The following RAB11FIP3 variants were observed in gnomAD, a reference collection of about 807,000 sequenced individuals.
RAB11FIP3 encodes rab11 family-interacting protein 3.
A neutral mutation model predicts 77.8 loss-of-function variants in RAB11FIP3; 17 were observed. The observed-to-expected ratio is 0.22, with a 90% CI of 0.15 to 0.33. RAB11FIP3 has a LOEUF of 0.33. Among genes scored for constraint, RAB11FIP3 ranks in the 10% least tolerant of loss-of-function variants. RAB11FIP3 has a pLI of 1.00. For synonymous variants in RAB11FIP3, 437 were observed against 448.2 expected, an observed-to-expected ratio of 0.98 and a Z score of 0.31; for missense variants, 1,005 against 1,011.2, an observed-to-expected ratio of 0.99 and a Z score of 0.08.
intron 1 of RAB11FIP3, among the ~76,000 whole-genome samples, chr16:457,465 G>A (rs2055522212): frequency 1.3e-5 from 2 of 151,318 alleles, no homozygotes. Flanking sequence ...TGCCACTACT[G>A]GATTTTGCAG....
intron 1 of RAB11FIP3, among the ~76,000 whole-genome samples, chr16:448,448 A>T (rs1024148008): frequency 7.9e-5 from 12 of 151,986 alleles, no homozygotes; most frequent in South Asian, 2.1e-4. Flanking sequence ...CTAAAAATAC[A>T]AAATTAGGCC....
intron 6 of RAB11FIP3, among the ~76,000 whole-genome samples, chr16:499,789 CTG>C (rs1452155633): frequency 8.1e-6 from 1 of 122,832 alleles, no homozygotes; most frequent in Non-Finnish European, 1.6e-5. Context: ...CAGAGCAAGA[CTG>C]TCTCAAAAAA....
At chr16:492,942 C>T (rs1387415487) in intron 5 of RAB11FIP3, among the ~76,000 whole-genome samples, 2 of 152,122 alleles carry the variant, frequency 1.3e-5, no homozygotes, top group Non-Finnish European at 2.9e-5. Context: ...TCTGCTACCC[C>T]TTTTCCTAAG....
rs1432143772 is a variant in RAB11FIP3 at position 482,626 on chromosome 16, G to A, written c.1005G>A (p.Glu335=). ...DEDTSTLVHP[E]LQPEGDADSA... ...ACACCAGCACCCTGGTGCACCCTGAGCTGCAACCTGAAGGGGACGCAGACA... is the reference window on the plus strand; with the variant it reads ...ACACCAGCACCCTGGTGCACCCTGAACTGCAACCTGAAGGGGACGCAGACA... The change falls in exon 4 of 14, where the codon GAG becomes GAA. Residue 335 remains glutamate, a synonymous_variant. Coordinates refer to ENST00000262305, the MANE Select transcript of RAB11FIP3 (RefSeq NM_014700.4). 1 of 1,613,428 alleles carries A rather than the reference G, an allele frequency of 6.2e-7. No homozygotes were observed. The highest frequency in any genetic ancestry group is 8.5e-7 in the Non-Finnish European group (1 of 1,180,058).
intron 4 of RAB11FIP3, among the ~76,000 whole-genome samples, chr16:488,194 C>A (rs924238302): frequency 1.3e-5 from 2 of 152,256 alleles, no homozygotes; most frequent in Admixed American, 1.3e-4. Context: ...TCCTGGCTAA[C>A]ACGGTGAAAC....
rs1596291957 is a variant in RAB11FIP3, at chr16:505,510, G to C, written c.1396-14G>C. 6.2e-7 allele frequency: 1 copy of C among 1,602,604 alleles called. No individual in the cohort carries two copies. The highest frequency in any genetic ancestry group is 1.3e-5 in the African/African-American group (1 of 74,838). On this transcript the variant is annotated splice_polypyrimidine_tract_variant and intron_variant, in intron 7 of 13. Transcript: ENST00000262305. This position sits in a 1 kb window ranked among gnomAD's most constrained non-coding sequence, Gnocchi z 4.0. ...TCTGGCTGCCTGACCCTGAAGCCTG[G>C]TCTCATTGCCAAGGTTGTCTTCCTG...
chr16:428,795 C>G lies in RAB11FIP3; in HGVS notation c.714+2075C>G, dbSNP rs976204914. Reference sequence around the variant, plus strand: ...AGAAACATCTTTTGTCATAACCTCCCTTAATGATCACAATGGGAAAAACTT... The same window carrying G: ...AGAAACATCTTTTGTCATAACCTCCGTTAATGATCACAATGGGAAAAACTT... On this transcript the variant is annotated intron_variant, in intron 1 of 13. Coordinates refer to ENST00000262305, the MANE Select transcript of RAB11FIP3 (RefSeq NM_014700.4). 5.3e-5 allele frequency among the ~76,000 whole-genome samples: 8 copies of G among 152,158 alleles called. 1 individual carries two copies. In the South Asian group the frequency reaches 1.7e-3, roughly 32 times the overall value.
chr16:457,793 G>T (rs2055527584), intron 1 of RAB11FIP3, among the ~76,000 whole-genome samples: 1 of 152,204 alleles, frequency 6.6e-6, no homozygotes. Flanking sequence ...AGTAGCTTCA[G>T]TGTGGAAATT....
chr16:497,086 CT>C, intron 6 of RAB11FIP3: 1 of 557,354 alleles, frequency 1.8e-6, no homozygotes. Flanking sequence ...CGTGTCAGAG[CT>C]TTTGGTGCTG....
intron 1 of RAB11FIP3, among the ~76,000 whole-genome samples, chr16:430,564 G>A (rs1311801172): frequency 6.6e-6 from 1 of 152,028 alleles, no homozygotes; most frequent in Non-Finnish European, 1.5e-5. Flanking sequence ...CTTTTTGTTC[G>A]TTTGTTTTGA....
intron 1 of RAB11FIP3, among the ~76,000 whole-genome samples, chr16:456,589 C>G (rs1198702432): frequency 6.6e-6 from 1 of 152,066 alleles, no homozygotes; most frequent in African/African-American, 2.4e-5. Flanking sequence ...AACCCTGTCT[C>G]TACTAAAAAT....
chr16:443,751 A>T (rs754629637), intron 1 of RAB11FIP3, among the ~76,000 whole-genome samples: 28 of 152,180 alleles, frequency 1.8e-4, no homozygotes, highest in Admixed American at 1.6e-3. Flanking sequence ...CTTTTAGTAG[A>T]GACGGGGTTT....
intron 5 of RAB11FIP3, among the ~76,000 whole-genome samples, chr16:493,850 C>G (rs983692117): frequency 1.4e-5 from 2 of 147,674 alleles, no homozygotes; most frequent in African/African-American, 2.5e-5. Context: ...CCTTGACCCC[C>G]CAAAGTGCTG....
chr16:500,901 T>TGGGCTCTG (rs2031474397), intron 6 of RAB11FIP3, among the ~76,000 whole-genome samples: 1 of 152,038 alleles, frequency 6.6e-6, no homozygotes, highest in Admixed American at 6.6e-5. Context: ...CCTCTCAGGA[T>TGGGCTCTG]GGGCTCTGGG....
At chr16:516,599 G>A (rs996325720) in intron 9 of RAB11FIP3, among the ~76,000 whole-genome samples, 17 of 151,960 alleles carry the variant, frequency 1.1e-4, no homozygotes, top group South Asian at 2.1e-4. Flanking sequence ...AAAGAGGGCC[G>A]GGCGCGGTGG....
intron 3 of RAB11FIP3, among the ~76,000 whole-genome samples, chr16:480,029 G>C (rs1036776709): frequency 6.6e-6 from 1 of 152,084 alleles, no homozygotes; most frequent in Non-Finnish European, 1.5e-5. Context: ...GCTCACGCCT[G>C]TAATCCCAGC....
chr16:488,289 A>G (rs1302093944), intron 4 of RAB11FIP3, among the ~76,000 whole-genome samples: 1 of 152,014 alleles, frequency 6.6e-6, no homozygotes, highest in African/African-American at 2.4e-5. Flanking sequence ...TGGAGGCAGG[A>G]GAATGACGTG....
chr16:462,664 C>CATCCCTTCCTCAGCACAAT (rs1368220719), intron 2 of RAB11FIP3, among the ~76,000 whole-genome samples: 1 of 141,144 alleles, frequency 7.1e-6, no homozygotes, highest in African/African-American at 2.7e-5. Flanking sequence ...TCCGCAGCAC[C>CATCCCTTCCTCAGCACAAT]GTCCCTTCCC....
chr16:477,566 C>T (rs1315332291), intron 3 of RAB11FIP3: 7 of 959,782 alleles, frequency 7.3e-6, no homozygotes, highest in Non-Finnish European at 8.7e-6. Flanking sequence ...CTTTTCCTGC[C>T]TGGCGTCCCG....
Sources: gnomAD v4.1 joint callset for allele counts (sites outside exome capture counted in the v4.1 genomes callset) on GRCh38, gnomAD v4.1.1 for gene constraint, Gnocchi (gnomAD v3.1) non-coding constraint, MANE v1.5 for transcripts, NCBI Gene and HGNC (gene_info 2026-07-23, HGNC 2026-07-21) for gene names.